Variants in PRPSAP1 observed in about 807,000 individuals in gnomAD.
PRPSAP1 encodes phosphoribosyl pyrophosphate synthetase associated protein 1.
A neutral mutation model predicts 39.4 loss-of-function variants in PRPSAP1; 31 were observed. The observed-to-expected ratio is 0.79, with a 90% CI of 0.59 to 1.06. PRPSAP1 has a LOEUF of 1.06. Ranked by LOEUF, PRPSAP1 falls within the 50% of genes least tolerant of loss-of-function variation. The probability of loss-of-function intolerance (pLI) is 0.00; values close to 1 mark genes in which losing one functional copy is unlikely to be tolerated. For synonymous variants in PRPSAP1, 212 were observed against 192.6 expected (o/e 1.10, Z -0.83); for missense variants, 430 against 511.6 (o/e 0.84, Z 1.54).
At chr17:76,353,466 G>A (rs1206277410) in intron 1 of PRPSAP1, 68 bp downstream of exon 1, 12 of 1,383,880 alleles carry the variant, frequency 8.7e-6, no homozygotes, top group African/African-American at 6.1e-5. Context: ...AGGGGAGCGG[G>A]TCCCTCCGGG....
chr17:76,312,721 T>G, intron 9 of PRPSAP1, 149 bp downstream of exon 9: 1 of 1,018,180 alleles, frequency 9.8e-7, no homozygotes, highest in Non-Finnish European at 1.4e-6. Context: ...TCTGTATTCC[T>G]AAACATGTAT....
At position 76,314,151 on chromosome 17, in the gene PRPSAP1, T is replaced by A. The variant is rs2071096856; in HGVS notation, c.782-260A>T. 4.4e-5 allele frequency: 21 copies of A among 480,036 alleles called. No individual in the cohort carries two copies. In the South Asian group the frequency reaches 4.5e-4, roughly 10 times the overall value. 29.7% of individuals were successfully genotyped at this position (480,036 alleles called of 1,614,324 possible). On this transcript the variant is annotated intron_variant, in intron 7 of 9. Transcript: ENST00000446526. ...AAACAGATGAAATTAATACATTTTA[T>A]TTTATGCAATTCCCAAAATATTATA...
chr17:76,320,068 G>A lies in PRPSAP1; in HGVS notation c.782-6177C>T, dbSNP rs570267071. On this transcript the variant is annotated intron_variant, in intron 7 of 9. Transcript: ENST00000446526. The stretch of plus-strand genomic sequence containing the variant: ...GCGGATCACTTGAGGTCAGGAGATG[G>A]AGACCAGTCTGGCCAACATGGCGAA... 5.3e-5 allele frequency among the ~76,000 whole-genome samples: 8 copies of A among 152,060 alleles called. No homozygotes were observed. In the South Asian group the frequency reaches 1.7e-3, roughly 32 times the overall value.
At chr17:76,348,465 T>C (rs866189636) in intron 2 of PRPSAP1, 64 bp downstream of exon 2, 2 of 1,084,038 alleles carry the variant, frequency 1.8e-6, no homozygotes, top group African/African-American at 1.7e-5. Flanking sequence ...AGAGTGAGGC[T>C]CTGTCTCAAA....
At chr17:76,312,585 G>T (rs905953666) in intron 9 of PRPSAP1, among the ~76,000 whole-genome samples, 1 of 152,110 alleles carries the variant, frequency 6.6e-6, no homozygotes, top group Non-Finnish European at 1.5e-5. Context: ...TAATAAAAGC[G>T]ATTATTTTAA....
intron 1 of PRPSAP1, among the ~76,000 whole-genome samples, chr17:76,350,300 G>A (rs1029871960): frequency 1.3e-5 from 2 of 151,950 alleles, no homozygotes; most frequent in African/African-American, 2.4e-5. Context: ...TTAGCCGGGC[G>A]TGGTGGAGGG....
intron 8 of PRPSAP1, 171 bp from the exon 9 acceptor site, chr17:76,313,187 AC>A (rs2071087517): frequency 5.5e-6 from 4 of 726,716 alleles, no homozygotes; most frequent in Admixed American, 6.6e-5. Flanking sequence ...CAACAGAAGC[AC>A]CTGACAGTAC....
chr17:76,336,295 G>A (rs755525299), intron 3 of PRPSAP1, among the ~76,000 whole-genome samples: 7 of 151,830 alleles, frequency 4.6e-5, no homozygotes, highest in Admixed American at 3.3e-4. Context: ...AAACTTAGCC[G>A]GGCATGGTTG....
chr17:76,335,755 G>A (rs759531039), intron 3 of PRPSAP1, among the ~76,000 whole-genome samples: 2 of 152,140 alleles, frequency 1.3e-5, no homozygotes, highest in Non-Finnish European at 2.9e-5. Context: ...GAGAGGCCAA[G>A]GCAGGAGTAT....
At chr17:76,328,900 G>A (rs1368202836) in intron 6 of PRPSAP1, 38 bp from the exon 7 acceptor site, 1 of 1,575,468 alleles carries the variant, frequency 6.3e-7, no homozygotes, top group Admixed American at 1.9e-5. Context: ...CTGACAGGAA[G>A]AAATCCCACG....
intron 2 of PRPSAP1, among the ~76,000 whole-genome samples, chr17:76,347,210 G>T (rs1462890001): frequency 6.6e-6 from 1 of 151,722 alleles, no homozygotes; most frequent in African/African-American, 2.4e-5. Context: ...GAGTGGGCCG[G>T]GCGCGGTGGC....
At chr17:76,325,310 G>A (rs2071243654) in intron 7 of PRPSAP1, among the ~76,000 whole-genome samples, 1 of 145,848 alleles carries the variant, frequency 6.9e-6, no homozygotes, top group African/African-American at 2.5e-5. Flanking sequence ...TCGGGAGGCT[G>A]AGGCAGGAGA....
rs2071282791 is a variant in PRPSAP1 at position 76,328,782 on chromosome 17, T to G, written c.716A>C (p.Asp239Ala). 1 of 1,614,132 alleles carries G rather than the reference T, an allele frequency of 6.2e-7. No homozygotes were observed. Among genetic ancestry groups the G allele is most frequent in the African/African-American group, 1.3e-5 (1 of 75,042 alleles). ...CATAGGCGGGGAGTGACGACCATCGTCCATGTCCAGTTCCGTGCACTGAGC... is the reference window on the plus strand; with the variant it reads ...CATAGGCGGGGAGTGACGACCATCGGCCATGTCCAGTTCCGTGCACTGAGC... Reference protein sequence around the residue: ...GEAQCTELDMDDGRHSPPMVK... With the variant: ...GEAQCTELDMADGRHSPPMVK... Residue 239 changes from aspartate to alanine, a missense_variant, in exon 7 of 10, where the codon GAC becomes GCC. Asp to Ala is a moderately radical substitution (Grantham distance 126, BLOSUM62 -2). Around this residue, in one of 2 missense-constraint regions of PRPSAP1, gnomAD observed 278 missense variants for 376.3 expected, o/e 0.74. Transcript: ENST00000446526.
At chr17:76,353,322 G>C in intron 1 of PRPSAP1, 1 of 534,050 alleles carries the variant, frequency 1.9e-6, no homozygotes, top group Non-Finnish European at 3.2e-6. Flanking sequence ...GGGGGGCTGA[G>C]GTCACCGAGA....
intron 7 of PRPSAP1, among the ~76,000 whole-genome samples, chr17:76,320,330 A>AGGGG (rs2071179567): frequency 2.0e-5 from 2 of 102,066 alleles, no homozygotes; most frequent in Non-Finnish European, 1.8e-5. Context: ...GGAAGAAGGG[A>AGGGG]GGGAGGGAGG....
chr17:76,345,237 T>TAA (rs59693380), intron 2 of PRPSAP1, among the ~76,000 whole-genome samples: 2,849 of 62,168 alleles, frequency 0.046, 273 homozygotes, highest in African/African-American at 0.15. Context: ...TCCGTCTCAT[T>TAA]AAAAAAAAAA....
At chr17:76,320,786 C>CT (rs398120024) in intron 7 of PRPSAP1, among the ~76,000 whole-genome samples, 60,779 of 143,502 alleles carry the variant, frequency 0.42, 15,535 homozygotes, top group Non-Finnish European at 0.59. Context: ...ATTTTTCTCT[C>CT]TTTTTTTTTT....
At chr17:76,326,988 T>C (rs757253943) in intron 7 of PRPSAP1, among the ~76,000 whole-genome samples, 1 of 151,822 alleles carries the variant, frequency 6.6e-6, no homozygotes, top group South Asian at 2.1e-4. Context: ...GTGAAGAGCA[T>C]ATGCTGGAAA....
chr17:76,340,998 A>C (rs577987922), intron 3 of PRPSAP1, among the ~76,000 whole-genome samples: 4 of 152,018 alleles, frequency 2.6e-5, no homozygotes, highest in East Asian at 1.9e-4. Context: ...TATCTAACAA[A>C]ATGGGGTCTC....
Sources: gnomAD v4.1 joint callset for allele counts (sites outside exome capture counted in the v4.1 genomes callset) on GRCh38, gnomAD v4.1.1 for gene constraint, gnomAD v4.1.1 regional missense constraint, MANE v1.5 for transcripts, NCBI Gene and HGNC (gene_info 2026-07-23, HGNC 2026-07-21) for gene names.